Variants in CSMD1 observed in about 807,000 individuals in gnomAD.
CSMD1 encodes the protein CUB and Sushi multiple domains 1.
Under a neutral mutation model 417.5 loss-of-function variants are expected in CSMD1, and 213 were observed. That is an observed-to-expected ratio of 0.51 (90% confidence interval 0.46 to 0.57). The LOEUF (loss-of-function observed/expected upper bound fraction) is 0.57, where lower values mean the gene tolerates loss of function less well. CSMD1 is among the 20% of genes least tolerant of loss of function. CSMD1 has a pLI of 0.00. For missense variants in CSMD1, 6,923 were observed against 4,529.7 expected, an observed-to-expected ratio of 1.53 and a Z score of -15.17; for synonymous variants, 2,862 against 1,736.8, an observed-to-expected ratio of 1.65 and a Z score of -16.11.
chr8:3,802,359 T>C (rs1283519299), intron 5 of CSMD1, among the ~76,000 whole-genome samples: 2 of 152,212 alleles, frequency 1.3e-5, no homozygotes, highest in Admixed American at 6.6e-5. Flanking sequence ...TATGTGTGCA[T>C]GTGCTTATAG....
intron 7 of CSMD1, among the ~76,000 whole-genome samples, chr8:3,631,034 G>A (rs75692705): frequency 1.3e-5 from 2 of 152,122 alleles, no homozygotes; most frequent in African/African-American, 2.4e-5. Flanking sequence ...ACGCAATCAT[G>A]CTTCTTTGCT....
At chr8:3,940,895 C>A (rs969618406) in intron 5 of CSMD1, among the ~76,000 whole-genome samples, 9 of 150,874 alleles carry the variant, frequency 6.0e-5, no homozygotes, top group Non-Finnish European at 1.0e-4. Context: ...CTTCTCCCCC[C>A]GAGATTATGT....
intron 5 of CSMD1, among the ~76,000 whole-genome samples, chr8:3,973,407 C>T (rs549724099): frequency 4.9e-4 from 74 of 152,256 alleles, no homozygotes; most frequent in African/African-American, 1.6e-3. Flanking sequence ...ACCTGTCACA[C>T]CCTACTAGTG....
intron 1 of CSMD1, among the ~76,000 whole-genome samples, chr8:4,656,350 TG>T (rs1165179473): frequency 1.3e-5 from 2 of 151,976 alleles, no homozygotes; most frequent in Non-Finnish European, 2.9e-5. Context: ...AGACCAGGCA[TG>T]GTTGTGCAAA....
chr8:4,451,117 C>T (rs910752806), intron 2 of CSMD1, among the ~76,000 whole-genome samples: 2 of 152,128 alleles, frequency 1.3e-5, no homozygotes, highest in South Asian at 2.1e-4. Context: ...CTCCTGAGTT[C>T]AAGAGATCCA....
intron 3 of CSMD1, among the ~76,000 whole-genome samples, chr8:4,172,643 C>G (rs1229014353): frequency 1.3e-5 from 2 of 152,164 alleles, no homozygotes; most frequent in African/African-American, 2.4e-5. Context: ...TGAACTCCTG[C>G]GGTCCTCCCT....
intron 3 of CSMD1, among the ~76,000 whole-genome samples, chr8:4,079,196 A>G (rs1024563181): frequency 2.0e-5 from 3 of 152,124 alleles, no homozygotes; most frequent in South Asian, 2.1e-4. Context: ...GTTTTAGTCT[A>G]TAGAGACATG....
intron 5 of CSMD1, among the ~76,000 whole-genome samples, chr8:3,796,425 T>G (rs1393959383): frequency 8.8e-6 from 1 of 114,256 alleles, no homozygotes; most frequent in East Asian, 2.7e-4. Flanking sequence ...CTATCATGTA[T>G]AGATATATAT....
intron 2 of CSMD1, 29 bp downstream of exon 2, chr8:4,637,313 A>T: frequency 6.7e-7 from 1 of 1,492,318 alleles, no homozygotes; most frequent in Non-Finnish European, 9.3e-7. Flanking sequence ...AAACAGTGCT[A>T]ACTGTAATAT....
At chr8:3,870,046 G>A (rs1325884581) in intron 5 of CSMD1, among the ~76,000 whole-genome samples, 4 of 152,224 alleles carry the variant, frequency 2.6e-5, no homozygotes, top group Admixed American at 6.5e-5. Context: ...TCTCTTCATT[G>A]CTTAACTGTA....
intron 2 of CSMD1, among the ~76,000 whole-genome samples, chr8:4,611,029 T>G (rs75650014): frequency 6.6e-6 from 1 of 151,158 alleles, no homozygotes; most frequent in Non-Finnish European, 1.5e-5. Context: ...GTAACTACCA[T>G]TTTTTTTTCT....
At chr8:3,421,783 G>A (rs967087536) in intron 12 of CSMD1, among the ~76,000 whole-genome samples, 1 of 152,166 alleles carries the variant, frequency 6.6e-6, no homozygotes, top group Non-Finnish European at 1.5e-5. Context: ...GACTGCAGGT[G>A]CATGACACCA....
intron 26 of CSMD1, among the ~76,000 whole-genome samples, chr8:3,240,694 G>T (rs13251825): frequency 0.83 from 125,658 of 151,870 alleles, 53,197 homozygotes; most frequent in Non-Finnish European, 0.92. Context: ...AAAGAAAGCA[G>T]GTTTGAGATC....
chr8:4,200,134 CCTTT>C (rs1431310501), intron 3 of CSMD1, among the ~76,000 whole-genome samples: 1 of 152,154 alleles, frequency 6.6e-6, no homozygotes, highest in Non-Finnish European at 1.5e-5. Flanking sequence ...AGATTTCCTT[CCTTT>C]AACATTATAG....
At chr8:3,316,522 A>C (rs2117450277) in intron 23 of CSMD1, among the ~76,000 whole-genome samples, 2 of 111,036 alleles carry the variant, frequency 1.8e-5, no homozygotes, top group South Asian at 4.8e-4. Flanking sequence ...GGAGGGGTTC[A>C]GTGAGCCTTG....
chr8:4,899,460 G>A (rs1329640512), intron 1 of CSMD1, among the ~76,000 whole-genome samples: 1 of 152,136 alleles, frequency 6.6e-6, no homozygotes, highest in Non-Finnish European at 1.5e-5. Context: ...AGATACGCAT[G>A]TCCATAGTCA....
chr8:3,597,898 A>G (rs1801169756), intron 8 of CSMD1, among the ~76,000 whole-genome samples: 2 of 152,188 alleles, frequency 1.3e-5, no homozygotes, highest in Admixed American at 6.5e-5. Context: ...TGATGAGTTG[A>G]TGGGTGCAGC....
At chr8:4,922,537 C>G (rs983157924) in intron 1 of CSMD1, among the ~76,000 whole-genome samples, 1 of 152,136 alleles carries the variant, frequency 6.6e-6, no homozygotes, top group Non-Finnish European at 1.5e-5. Context: ...ACCATTCACA[C>G]CCTTTCAGTT....
At chr8:4,964,174 G>C (rs1252555776) in intron 1 of CSMD1, among the ~76,000 whole-genome samples, 3 of 151,978 alleles carry the variant, frequency 2.0e-5, no homozygotes, top group Non-Finnish European at 2.9e-5. Context: ...GAGGAGATAA[G>C]AGAAAAGGGA....
Sources: allele counts gnomAD v4.1 joint callset (sites outside exome capture counted in the v4.1 genomes callset), GRCh38; gene constraint gnomAD v4.1.1; transcripts MANE v1.5; gene names NCBI Gene and HGNC (gene_info 2026-07-23, HGNC 2026-07-21).